Variants in TFEC observed in about 807,000 individuals in gnomAD.
TFEC encodes class E basic helix-loop-helix protein 34.
Under a neutral mutation model 41.6 loss-of-function variants are expected in TFEC, and 31 were observed. The ratio of observed to expected loss-of-function variants is 0.74; its 90% CI spans 0.56 to 1.01. The LOEUF is 1.01. TFEC is among the 50% of genes least tolerant of loss of function. The pLI, the probability that TFEC is intolerant of heterozygous loss-of-function variation, is 0.00. For missense variants in TFEC, 402 were observed against 404.1 expected (o/e 0.99, Z 0.04); for synonymous variants, 143 against 140.6 (o/e 1.02, Z -0.12).
At chr7:115,996,062 T>C (rs1794354339) in intron 1 of TFEC, among the ~76,000 whole-genome samples, 1 of 152,158 alleles carries the variant, frequency 6.6e-6, no homozygotes, top group Non-Finnish European at 1.5e-5. Flanking sequence ...TTACAGCCAG[T>C]GGACTTGGGG....
intron 3 of TFEC, among the ~76,000 whole-genome samples, chr7:116,063,445 C>T (rs187830872): frequency 2.0e-5 from 3 of 151,936 alleles, no homozygotes; most frequent in Non-Finnish European, 4.4e-5. Context: ...GGTGAAACCC[C>T]CCTCTCCACT....
At chr7:115,943,977 T>G (rs1189895711) in intron 6 of TFEC, among the ~76,000 whole-genome samples, 1 of 139,222 alleles carries the variant, frequency 7.2e-6, no homozygotes, top group East Asian at 2.1e-4. Flanking sequence ...AAAAAAGATT[T>G]TAAAAAGAAA....
At chr7:116,024,571 A>G (rs2130867077) in intron 1 of TFEC, among the ~76,000 whole-genome samples, 1 of 152,314 alleles carries the variant, frequency 6.6e-6, no homozygotes. Context: ...TAAAGCCGTT[A>G]GTACATAAGG....
At chr7:116,097,467 T>G (rs533108170) in intron 3 of TFEC, among the ~76,000 whole-genome samples, 52 of 152,302 alleles carry the variant, frequency 3.4e-4, no homozygotes, top group African/African-American at 1.2e-3. Flanking sequence ...TTTTGGGCCA[T>G]TATTAAGTAA....
At chr7:116,062,753 G>T (rs2130995182) in intron 3 of TFEC, among the ~76,000 whole-genome samples, 1 of 151,852 alleles carries the variant, frequency 6.6e-6, no homozygotes, top group Non-Finnish European at 1.5e-5. Context: ...GGGATTGCTG[G>T]ATCAAATGAT....
At chr7:115,948,398 A>G (rs1425295606) in intron 6 of TFEC, among the ~76,000 whole-genome samples, 1 of 152,162 alleles carries the variant, frequency 6.6e-6, no homozygotes, top group Non-Finnish European at 1.5e-5. Flanking sequence ...ACAACAAAAA[A>G]AGAGAATTTT....
chr7:116,005,671 T>A (rs544842228), intron 1 of TFEC, among the ~76,000 whole-genome samples: 1 of 152,182 alleles, frequency 6.6e-6, no homozygotes. Flanking sequence ...AATGGGCTTT[T>A]CTGAGAAGAA....
At chr7:115,941,615 G>A (rs1214535156) in intron 7 of TFEC, 2 of 378,338 alleles carry the variant, frequency 5.3e-6, no homozygotes, top group Non-Finnish European at 9.3e-6. Flanking sequence ...TTATATATGT[G>A]TATATATATA....
intron 3 of TFEC, among the ~76,000 whole-genome samples, chr7:116,082,129 A>G (rs779472692): frequency 6.6e-6 from 1 of 152,034 alleles, no homozygotes; most frequent in Non-Finnish European, 1.5e-5. Flanking sequence ...CAACCCACCT[A>G]TTACAACGCT....
At position 116,107,043 on chromosome 7, in the gene TFEC, T is replaced by G. The variant is rs549445359; in HGVS notation, c.198+3665A>C. Among the ~76,000 whole-genome samples the G allele has an allele frequency of 7.6e-4, 115 of 152,284 alleles. 1 individual carries two copies. The highest frequency in any genetic ancestry group is 2.6e-3 in the African/African-American group (109 of 41,568). On this transcript the variant is annotated intron_variant, in intron 3 of 8. Transcript: ENST00000484212. Reference sequence around the variant, plus strand: ...TGTTCAAAATAAACTTGACAGAGTTTTTACCTTAATGGACAATATGAATCC... The same window carrying G: ...TGTTCAAAATAAACTTGACAGAGTTGTTACCTTAATGGACAATATGAATCC...
At chr7:115,952,238 C>A (rs1316639502) in intron 5 of TFEC, among the ~76,000 whole-genome samples, 1 of 151,788 alleles carries the variant, frequency 6.6e-6, no homozygotes, top group Non-Finnish European at 1.5e-5. Context: ...CCCTCTTCAC[C>A]AATCCTATTT....
chr7:116,107,452 A>G (rs1179512513), intron 3 of TFEC, among the ~76,000 whole-genome samples: 1 of 152,170 alleles, frequency 6.6e-6, no homozygotes, highest in Non-Finnish European at 1.5e-5. Context: ...ATTTTCCTTG[A>G]TGGCAAGCTG....
intron 1 of TFEC, among the ~76,000 whole-genome samples, chr7:116,016,828 A>C (rs1795210385): frequency 1.3e-5 from 2 of 151,988 alleles, no homozygotes; most frequent in South Asian, 4.1e-4. Flanking sequence ...TATGTACTAT[A>C]TCTACCTATC....
At chr7:115,962,540 T>A (rs1249066732) in intron 3 of TFEC, among the ~76,000 whole-genome samples, 1 of 151,674 alleles carries the variant, frequency 6.6e-6, no homozygotes, top group Non-Finnish European at 1.5e-5. Flanking sequence ...AAACTCTCTA[T>A]TTTATGGTCA....
At chr7:115,987,113 C>A (rs771983694) in intron 1 of TFEC, among the ~76,000 whole-genome samples, 2 of 152,054 alleles carry the variant, frequency 1.3e-5, no homozygotes, top group Non-Finnish European at 2.9e-5. Context: ...CTCTAATTCT[C>A]CCGAAATTAT....
At chr7:116,030,796 G>A (rs1372804398), upstream of TFEC, 2 of 985,268 alleles carry the variant, frequency 2.0e-6, no homozygotes, top group Non-Finnish European at 2.4e-6. Context: ...GTTAGTTGAG[G>A]AAAGAGAAAA....
chr7:116,156,362 A>C (rs1246975671), intron 1 of TFEC, among the ~76,000 whole-genome samples: 4 of 152,240 alleles, frequency 2.6e-5, no homozygotes, highest in Non-Finnish European at 5.9e-5. Context: ...TGGGTGTCAA[A>C]TAGATTCTAA....
chr7:115,946,396 C>CGTGTGTGTGTGTGT (rs3028673), intron 6 of TFEC, among the ~76,000 whole-genome samples: 96 of 123,152 alleles, frequency 7.8e-4, no homozygotes, highest in Middle Eastern at 4.0e-3. Flanking sequence ...AGAAACATAA[C>CGTGTGTGTGTGTGT]GTGTGTGTGT....
intron 3 of TFEC, among the ~76,000 whole-genome samples, chr7:115,963,554 T>C (rs1053407266): frequency 1.3e-5 from 2 of 151,774 alleles, no homozygotes; most frequent in Non-Finnish European, 2.9e-5. Flanking sequence ...AAACAAAATG[T>C]GGTGTATACA....
Sources: allele counts gnomAD v4.1 joint callset (sites outside exome capture counted in the v4.1 genomes callset), GRCh38; gene constraint gnomAD v4.1.1; transcripts MANE v1.5; gene names NCBI Gene and HGNC (gene_info 2026-07-23, HGNC 2026-07-21).